The following KALRN variants were observed in gnomAD, a reference collection of about 807,000 sequenced individuals.
KALRN encodes the protein kalirin.
Under a neutral mutation model 353.7 loss-of-function variants are expected in KALRN, and 70 were observed. That is an observed-to-expected ratio of 0.20 (90% confidence interval 0.16 to 0.24). KALRN has a LOEUF of 0.24. KALRN is among the 10% of genes least tolerant of loss of function. The probability of loss-of-function intolerance (pLI) is 1.00; values close to 1 mark genes in which losing one functional copy is unlikely to be tolerated. For missense variants in KALRN, 2,791 were observed against 3,756.7 expected (o/e 0.74, Z 6.72); for synonymous variants, 1,391 against 1,434.8 (o/e 0.97, Z 0.69).
At chr3:124,457,308 G>C (rs894068009) in intron 23 of KALRN, among the ~76,000 whole-genome samples, 9 of 152,114 alleles carry the variant, frequency 5.9e-5, no homozygotes, top group African/African-American at 1.9e-4. Context: ...GACCTCAAGT[G>C]ATCTGCCCGC....
chr3:124,228,191 G>A, intron 2 of KALRN, 127 bp downstream of exon 2: 1 of 805,290 alleles, frequency 1.2e-6, no homozygotes, highest in Non-Finnish European at 2.2e-6. Context: ...TGGGGCAGCT[G>A]CTTTCTTTCT....
chr3:124,435,730 G>T (rs552658220), intron 17 of KALRN, among the ~76,000 whole-genome samples: 1 of 152,288 alleles, frequency 6.6e-6, no homozygotes, highest in South Asian at 2.1e-4. Flanking sequence ...GGCCACAGAA[G>T]TGAGGAGCTG....
At chr3:124,346,326 T>G (rs1433321637) in intron 9 of KALRN, among the ~76,000 whole-genome samples, 1 of 152,138 alleles carries the variant, frequency 6.6e-6, no homozygotes, top group African/African-American at 2.4e-5. Context: ...AAAACTTATT[T>G]TCCACCCTTC....
intron 33 of KALRN, among the ~76,000 whole-genome samples, chr3:124,549,006 T>C (rs914498899): frequency 1.3e-5 from 2 of 152,210 alleles, no homozygotes; most frequent in African/African-American, 4.8e-5. Context: ...TTGGTACTTA[T>C]CTTAATCTTT....
intron 1 of KALRN, chr3:124,153,065 T>C (rs1446973833): frequency 5.9e-6 from 1 of 169,442 alleles, no homozygotes; most frequent in East Asian, 1.5e-4. Flanking sequence ...CTTCTTTTTT[T>C]AATTTTTTTT....
chr3:124,640,614 A>G (rs937285935), intron 37 of KALRN, among the ~76,000 whole-genome samples: 18 of 152,242 alleles, frequency 1.2e-4, no homozygotes, highest in African/African-American at 4.3e-4. Context: ...TCTAAATGCA[A>G]CCTTCTACAA....
rs576804293 is a variant in KALRN, at chr3:124,044,233, A to G, written c.73+10420A>G. Among the ~76,000 whole-genome samples the G allele has an allele frequency of 1.2e-4, 18 of 152,302 alleles. 1 individual carries two copies. In the South Asian group the frequency reaches 2.1e-3, roughly 18 times the overall value. ...TCATCAAAGGCTCCTCAGTGGTCTCACACGACCCTCCAGAGGGCTGGGGAG... is the reference window on the plus strand; with the variant it reads ...TCATCAAAGGCTCCTCAGTGGTCTCGCACGACCCTCCAGAGGGCTGGGGAG... On this transcript the variant is annotated intron_variant, in intron 1 of 59. Coordinates refer to ENST00000682506, the MANE Select transcript of KALRN (RefSeq NM_001388419.1).
At chr3:124,405,069 A>T (rs1160567035) in intron 13 of KALRN, among the ~76,000 whole-genome samples, 1 of 152,252 alleles carries the variant, frequency 6.6e-6, no homozygotes, top group Non-Finnish European at 1.5e-5. Flanking sequence ...TGGAAAGAAC[A>T]TGTAGAATGA....
At chr3:124,356,777 CTT>C (rs144672210) in intron 10 of KALRN, among the ~76,000 whole-genome samples, 1 of 152,144 alleles carries the variant, frequency 6.6e-6, no homozygotes, top group Non-Finnish European at 1.5e-5. Flanking sequence ...TGATTAAACT[CTT>C]TTCCCTTTTC....
chr3:124,182,741 C>T (rs1474572078), intron 1 of KALRN, among the ~76,000 whole-genome samples: 2 of 152,178 alleles, frequency 1.3e-5, no homozygotes, highest in African/African-American at 4.8e-5. Context: ...GCCCCAGACC[C>T]ATCTGGCTTC....
chr3:124,103,748 G>C (rs2062059007), intron 1 of KALRN, among the ~76,000 whole-genome samples: 1 of 152,072 alleles, frequency 6.6e-6, no homozygotes, highest in Non-Finnish European at 1.5e-5. Context: ...CTGAGCTCAG[G>C]AGTTGGAGAC....
At chr3:124,092,424 C>G (rs1207289760) in intron 1 of KALRN, among the ~76,000 whole-genome samples, 1 of 152,214 alleles carries the variant, frequency 6.6e-6, no homozygotes, top group Non-Finnish European at 1.5e-5. Flanking sequence ...GGCATTCTTA[C>G]TTGGAGATGC....
chr3:124,258,737 C>T (rs2072415238), intron 3 of KALRN, among the ~76,000 whole-genome samples: 1 of 152,150 alleles, frequency 6.6e-6, no homozygotes, highest in African/African-American at 2.4e-5. Context: ...ACTTCCAGAC[C>T]ATATATCAAA....
chr3:124,047,638 G>A (rs895741628), intron 1 of KALRN, among the ~76,000 whole-genome samples: 3 of 150,248 alleles, frequency 2.0e-5, no homozygotes, highest in East Asian at 2.0e-4. Flanking sequence ...AACTACAGGC[G>A]CCCGCCACCA....
intron 10 of KALRN, among the ~76,000 whole-genome samples, chr3:124,384,151 G>A (rs558712455): frequency 1.3e-5 from 2 of 152,252 alleles, no homozygotes; most frequent in South Asian, 4.1e-4. Context: ...GAATACCATG[G>A]TGTGTACAGA....
chr3:124,078,295 A>C (rs762265387), intron 1 of KALRN, among the ~76,000 whole-genome samples: 25 of 152,206 alleles, frequency 1.6e-4, no homozygotes, highest in Non-Finnish European at 3.4e-4. Flanking sequence ...CTAGCATAAG[A>C]GACACAAAGT....
At chr3:124,338,329 C>T (rs1245138017) in intron 9 of KALRN, among the ~76,000 whole-genome samples, 2 of 152,086 alleles carry the variant, frequency 1.3e-5, no homozygotes, top group South Asian at 2.1e-4. Flanking sequence ...GATTCTGGTA[C>T]GTTGTGTCTT....
chr3:124,682,527 G>C (rs1202159601), intron 51 of KALRN, among the ~76,000 whole-genome samples: 1 of 152,174 alleles, frequency 6.6e-6, no homozygotes, highest in Non-Finnish European at 1.5e-5. Context: ...CCCAGCCCTA[G>C]CTGTGCATAG....
intron 14 of KALRN, among the ~76,000 whole-genome samples, chr3:124,422,099 C>T (rs182680695): frequency 7.9e-5 from 12 of 152,142 alleles, no homozygotes; most frequent in Non-Finnish European, 7.4e-5. Flanking sequence ...ACAACTTTAA[C>T]GTGAAGCTTT....
Sources: allele counts gnomAD v4.1 joint callset (sites outside exome capture counted in the v4.1 genomes callset), GRCh38; gene constraint gnomAD v4.1.1; transcripts MANE v1.5; gene names NCBI Gene and HGNC (gene_info 2026-07-23, HGNC 2026-07-21).